The following MAMDC2 variants were observed in gnomAD, a reference collection of about 807,000 sequenced individuals.
MAMDC2 encodes MAM domain-containing protein 2.
Under a neutral mutation model 89.8 loss-of-function variants are expected in MAMDC2, and 57 were observed. That is an observed-to-expected ratio of 0.63 (90% CI 0.51 to 0.79). The LOEUF is 0.79. Among genes scored for constraint, MAMDC2 ranks in the 30% least tolerant of loss-of-function variants. MAMDC2 has a pLI of 0.00. For synonymous variants in MAMDC2, 313 were observed against 293.4 expected, an observed-to-expected ratio of 1.07 and a Z score of -0.68; for missense variants, 800 against 820.6, an observed-to-expected ratio of 0.97 and a Z score of 0.31.
intron 11 of MAMDC2, among the ~76,000 whole-genome samples, chr9:70,213,684 G>A (rs545232692): frequency 1.9e-4 from 29 of 152,314 alleles, no homozygotes; most frequent in African/African-American, 5.5e-4. Flanking sequence ...ATCATTGAAT[G>A]TGCAAAACCC....
chr9:70,218,065 C>A (rs575124237), intron 11 of MAMDC2, among the ~76,000 whole-genome samples: 1 of 152,302 alleles, frequency 6.6e-6, no homozygotes, highest in African/African-American at 2.4e-5. Flanking sequence ...ATGTGTTAAT[C>A]ACTGTATCAG....
chr9:70,143,962 C>T, intron 9 of MAMDC2, 143 bp downstream of exon 9: 1 of 923,600 alleles, frequency 1.1e-6, no homozygotes, highest in Non-Finnish European at 1.6e-6. Context: ...CTACTCCCAG[C>T]CACATACAGG....
Position 70,084,908 on chromosome 9 carries a change from T to A in MAMDC2, c.149-23303T>A, listed in dbSNP as rs528403290. On this transcript the variant is annotated intron_variant, in intron 2 of 13. Coordinates refer to ENST00000377182, the MANE Select transcript of MAMDC2 (RefSeq NM_153267.5). ...ATGAATGTCAAACCCAGGGATTTTTTAAAAATCATGAACTTTACTATATCT... is the reference window on the plus strand; with the variant it reads ...ATGAATGTCAAACCCAGGGATTTTTAAAAAATCATGAACTTTACTATATCT... Among the ~76,000 whole-genome samples, 31 of 152,224 alleles carry A rather than the reference T, an allele frequency of 2.0e-4. No homozygotes were observed. In the South Asian group the frequency reaches 6.4e-3, roughly 32 times the overall value.
intron 11 of MAMDC2, chr9:70,172,509 C>G (rs776837239): frequency 4.6e-5 from 7 of 152,718 alleles, no homozygotes; most frequent in African/African-American, 1.4e-4. Flanking sequence ...CTGGCTAACC[C>G]TCTGAGACCA....
chr9:70,134,661 C>T (rs1467712625), intron 7 of MAMDC2, among the ~76,000 whole-genome samples: 1 of 152,206 alleles, frequency 6.6e-6, no homozygotes, highest in Non-Finnish European at 1.5e-5. Context: ...CACATTGCCC[C>T]AACCTCCTGT....
At chr9:70,199,416 T>C (rs906113333) in intron 11 of MAMDC2, among the ~76,000 whole-genome samples, 13 of 148,200 alleles carry the variant, frequency 8.8e-5, no homozygotes, top group Admixed American at 1.4e-4. Context: ...TTCCATGGTG[T>C]ATATGTGCCA....
chr9:70,103,537 G>GA lies in MAMDC2; in HGVS notation c.149-4666dup, dbSNP rs988749314. Among the ~76,000 whole-genome samples the GA allele has an allele frequency of 1.0e-4, 15 of 150,034 alleles. No individual in the cohort carries two copies. In the South Asian group the frequency reaches 1.1e-3, roughly 11 times the overall value. ...AAAAGCTGAAACAATAAAACTCTGAGAAAAAAAACATAGCTGTAAATCTTC... is the reference window on the plus strand; with the variant it reads ...AAAAGCTGAAACAATAAAACTCTGAGAAAAAAAAACATAGCTGTAAATCTTC... On this transcript the variant is annotated intron_variant, in intron 2 of 13. Transcript: ENST00000377182.
intron 9 of MAMDC2, among the ~76,000 whole-genome samples, chr9:70,151,675 C>G (rs2031585432): frequency 6.6e-6 from 1 of 152,142 alleles, no homozygotes; most frequent in Admixed American, 6.6e-5. Flanking sequence ...TCTTGCGCAC[C>G]TGGAGAAAAT....
chr9:70,204,571 T>C (rs2033177595), intron 11 of MAMDC2, among the ~76,000 whole-genome samples: 1 of 150,708 alleles, frequency 6.6e-6, no homozygotes, highest in African/African-American at 2.4e-5. Flanking sequence ...CCTTGAGCTG[T>C]GGTGGGCTCC....
chr9:70,076,315 G>A (rs918024413), intron 2 of MAMDC2, among the ~76,000 whole-genome samples: 6 of 152,042 alleles, frequency 3.9e-5, no homozygotes, highest in African/African-American at 1.5e-4. Context: ...CAGCTACTCA[G>A]GAGACTGAGG....
chr9:70,111,794 C>A (rs1035318449), intron 4 of MAMDC2, among the ~76,000 whole-genome samples: 1 of 152,164 alleles, frequency 6.6e-6, no homozygotes, highest in Non-Finnish European at 1.5e-5. Context: ...CTGAAGAGAC[C>A]ACAAAGGTGT....
chr9:70,113,257 G>C (rs1828559502), intron 5 of MAMDC2, 125 bp downstream of exon 5: 2 of 1,086,198 alleles, frequency 1.8e-6, no homozygotes, highest in African/African-American at 3.1e-5. Flanking sequence ...AGGGTGAGTA[G>C]GAACTAAGTA....
chr9:70,117,473 G>A (rs73451409), intron 5 of MAMDC2, among the ~76,000 whole-genome samples: 2,287 of 152,264 alleles, frequency 0.015, 49 homozygotes, highest in African/African-American at 0.051. Context: ...TCTGTCAGGG[G>A]ATGGAGATAG....
At chr9:70,105,036 G>T (rs1006632941) in intron 2 of MAMDC2, among the ~76,000 whole-genome samples, 1 of 151,906 alleles carries the variant, frequency 6.6e-6, no homozygotes, top group Non-Finnish European at 1.5e-5. Flanking sequence ...TAATTCACTC[G>T]GTGGTAAAAT....
At chr9:70,147,214 T>A (rs1420862441) in intron 9 of MAMDC2, among the ~76,000 whole-genome samples, 1 of 149,792 alleles carries the variant, frequency 6.7e-6, no homozygotes, top group Non-Finnish European at 1.5e-5. Flanking sequence ...GCCAAGATCA[T>A]GCCACTGTGC....
chr9:70,170,222 G>C, intron 10 of MAMDC2: 1 of 383,582 alleles, frequency 2.6e-6, no homozygotes, highest in Non-Finnish European at 4.6e-6. Context: ...ACAAGTCAGA[G>C]AAAGTTTTTT....
chr9:70,198,076 T>C, intron 11 of MAMDC2, among the ~76,000 whole-genome samples: 1 of 114,294 alleles, frequency 8.7e-6, no homozygotes. Flanking sequence ...TTTATTATTG[T>C]TGTTTATCTC....
In MAMDC2 at chr9:70,109,761, C is replaced by A. The variant is rs1167489401; in HGVS notation, c.462C>A (p.Ser154Arg). 6.2e-7 allele frequency: 1 copy of A among 1,614,012 alleles called. No homozygotes were observed. The highest frequency in any genetic ancestry group is 1.1e-5 in the South Asian group (1 of 91,076). ...TACTAGGACAGGGAAACACAGCCAG[C>A]ATCGCACTATTTGAAATCAAGATGA... is the stretch of plus-strand genomic sequence containing the variant. ...EGVLGQGNTA[S>R]IALFEIKMTT... The change falls in exon 4 of 14, where the codon AGC (serine) becomes AGA (arginine). Residue 154 changes from serine to arginine, a missense_variant. Ser to Arg is a moderately radical substitution (Grantham distance 110). Transcript: ENST00000377182.
At chr9:70,188,712 A>C (rs2032812131) in intron 11 of MAMDC2, 1 of 150,112 alleles carries the variant, frequency 6.7e-6, no homozygotes, top group Non-Finnish European at 1.5e-5. Flanking sequence ...ATAAGAACAG[A>C]TACTACACTT....
Sources: allele counts gnomAD v4.1 joint callset (sites outside exome capture counted in the v4.1 genomes callset), GRCh38; gene constraint gnomAD v4.1.1; transcripts MANE v1.5; gene names NCBI Gene and HGNC (gene_info 2026-07-23, HGNC 2026-07-21).